RFTN1: variants seen among roughly 807,000 people sequenced by gnomAD.
The protein encoded by RFTN1 is raftlin.
RFTN1 carries 26 observed loss-of-function variants against 46.5 expected under a neutral mutation model. The observed-to-expected ratio is 0.56, with a 90% CI of 0.41 to 0.78. The LOEUF (loss-of-function observed/expected upper bound fraction) is 0.78. Among genes scored for constraint, RFTN1 ranks in the 30% least tolerant of loss-of-function variants. The pLI is 0.00. For missense variants in RFTN1, 693 were observed against 718.7 expected (o/e 0.96, Z 0.41); for synonymous variants, 261 against 284.2 (o/e 0.92, Z 0.82).
Position 16,411,016 on chromosome 3 carries a change from T to C in RFTN1, c.333-1533A>G, listed in dbSNP as rs556371321. Among the ~76,000 whole-genome samples, 53 of 152,228 alleles carry C rather than the reference T, an allele frequency of 3.5e-4. 1 individual carries two copies. In the South Asian group the frequency reaches 8.3e-3, roughly 24 times the overall value. Reference sequence around the variant, plus strand: ...TGTCTCTTCTAGGTGGCTGGTGGTATTGGGGAGTGGGAATTAGAGACCAAG... The same window carrying C: ...TGTCTCTTCTAGGTGGCTGGTGGTACTGGGGAGTGGGAATTAGAGACCAAG... On this transcript the variant is annotated intron_variant, in intron 3 of 9. Coordinates refer to ENST00000334133, the MANE Select transcript of RFTN1 (RefSeq NM_015150.2).
chr3:16,497,172 C>T (rs1185839475), intron 1 of RFTN1, among the ~76,000 whole-genome samples: 1 of 152,148 alleles, frequency 6.6e-6, no homozygotes, highest in Non-Finnish European at 1.5e-5. Context: ...GGCCACTGAG[C>T]AGTCTCTGTA....
At position 16,356,462 on chromosome 3, in the gene RFTN1, T is replaced by TG. The variant is rs2125329617; in HGVS notation, c.1146+1469_1146+1470insC. On this transcript the variant is annotated intron_variant, in intron 7 of 9. Coordinates refer to ENST00000334133, the MANE Select transcript of RFTN1 (RefSeq NM_015150.2). The surrounding 1 kb of genome is among the most constrained non-coding windows in gnomAD (Gnocchi z 4.9). ...CCATTGCTATCACACTTGCAAGCAG[T>TG]TATTTCTCATCCCTGTTCAGACGCA... Among the ~76,000 whole-genome samples, 1 of 151,382 alleles carries TG rather than the reference T, an allele frequency of 6.6e-6. No individual in the cohort carries two copies. Among genetic ancestry groups the TG allele is most frequent in the East Asian group, 2.0e-4 (1 of 5,110 alleles).
rs1463114561 is a variant in RFTN1, at chr3:16,503,142, C to T, written c.-8-9265G>A. Among the ~76,000 whole-genome samples, 3 of 152,172 alleles carry T rather than the reference C, an allele frequency of 2.0e-5. No individual in the cohort carries two copies. The South Asian group carries it at 6.2e-4, about 32-fold the overall frequency. ...CATCTCAGTCTGTCTCAGGAGGGGT[C>T]TGAACCTGAGTCCATCTCTGCTCTG... is the stretch of plus-strand genomic sequence containing the variant. On this transcript the variant is annotated intron_variant, in intron 1 of 9. Coordinates refer to ENST00000334133, the MANE Select transcript of RFTN1 (RefSeq NM_015150.2).
chr3:16,363,451 G>T (rs1413766756), intron 6 of RFTN1, among the ~76,000 whole-genome samples: 2 of 152,138 alleles, frequency 1.3e-5, no homozygotes, highest in African/African-American at 4.8e-5. Flanking sequence ...TGGTCTTTTG[G>T]CAAAAGGCCA....
intron 9 of RFTN1, among the ~76,000 whole-genome samples, chr3:16,319,865 G>C (rs1465062191): frequency 6.6e-6 from 1 of 152,228 alleles, no homozygotes; most frequent in African/African-American, 2.4e-5. Context: ...ACCACTTAAA[G>C]GCAGGCAAGT....
At position 16,341,256 on chromosome 3, in the gene RFTN1, C is replaced by T. The variant is rs1432726794; in HGVS notation, c.1147-14380G>A. 1.3e-5 allele frequency among the ~76,000 whole-genome samples: 2 copies of T among 152,210 alleles called. No homozygotes were observed. The highest frequency in any genetic ancestry group is 1.9e-4 in the East Asian group (1 of 5,204). Reference sequence around the variant, plus strand: ...CAGAAGACAGTTTGGCAGTTTCTTACAAAACTAGACATACTTTACAATATG... The same window carrying T: ...CAGAAGACAGTTTGGCAGTTTCTTATAAAACTAGACATACTTTACAATATG... On this transcript the variant is annotated intron_variant, in intron 7 of 9. Coordinates refer to ENST00000334133, the MANE Select transcript of RFTN1 (RefSeq NM_015150.2). The surrounding 1 kb of genome is among the most constrained non-coding windows in gnomAD (Gnocchi z 4.7).
intron 2 of RFTN1, among the ~76,000 whole-genome samples, chr3:16,441,118 TA>T (rs1385452619): frequency 2.0e-5 from 3 of 152,186 alleles, no homozygotes; most frequent in African/African-American, 4.8e-5. Flanking sequence ...CTTTTGGAAA[TA>T]TTTTTTTTTA....
rs1190688696 is a variant in RFTN1, at chr3:16,512,684, C to T, written c.-9+758G>A. ...GCGCGTGCCTGACAACGGGGCTTCC[C>T]GAAATACACAACCACCTCCTCCTCG... On this transcript the variant is annotated intron_variant, in intron 1 of 9. Transcript: ENST00000334133. The surrounding 1 kb of genome is among the most constrained non-coding windows in gnomAD (Gnocchi z 4.3). 6.6e-6 allele frequency: 1 copy of T among 152,488 alleles called. No individual in the cohort carries two copies. Among genetic ancestry groups the T allele is most frequent in the Non-Finnish European group, 1.5e-5 (1 of 68,264 alleles). The allele number at this position is 152,488 out of a possible 1,614,324, so 9.4% of individuals were successfully genotyped here.
intron 4 of RFTN1, among the ~76,000 whole-genome samples, chr3:16,404,107 A>ATT: frequency 9.2e-4 from 1 of 1,086 alleles, no homozygotes; most frequent in Admixed American, 0.014. Context: ...TATTATATAT[A>ATT]ATATATAATA....
At chr3:16,439,545 T>G (rs1395404638) in intron 2 of RFTN1, among the ~76,000 whole-genome samples, 2 of 152,230 alleles carry the variant, frequency 1.3e-5, no homozygotes, top group Non-Finnish European at 2.9e-5. Context: ...TTATTTCAAT[T>G]TGGAGGCTGA....
In RFTN1 at chr3:16,407,509, A is replaced by T. The variant is rs2074887290; in HGVS notation, c.441+1866T>A. ...GCCCAGCCTCAAATCACATGTTTTT[A>T]AAAAGCATATTTGAGAGTGGGCAGA... On this transcript the variant is annotated intron_variant, in intron 4 of 9. Transcript: ENST00000334133. The surrounding 1 kb of genome is among the most constrained non-coding windows in gnomAD (Gnocchi z 4.0). Among the ~76,000 whole-genome samples, 1 of 152,274 alleles carries T rather than the reference A, an allele frequency of 6.6e-6. No individual in the cohort carries two copies. Among genetic ancestry groups the T allele is most frequent in the Non-Finnish European group, 1.5e-5 (1 of 68,024 alleles).
chr3:16,358,892 C>T (rs55767924), intron 6 of RFTN1, among the ~76,000 whole-genome samples: 8,475 of 151,682 alleles, frequency 0.056, 308 homozygotes, highest in Middle Eastern at 0.12. Context: ...ATTAGCTGGG[C>T]GTGGCAGGGT....
At chr3:16,491,009 C>T (rs932398662) in intron 2 of RFTN1, among the ~76,000 whole-genome samples, 11 of 152,160 alleles carry the variant, frequency 7.2e-5, no homozygotes, top group African/African-American at 2.7e-4. Flanking sequence ...AATCCCTGCA[C>T]TCATGGGAAG....
rs2075258602 is a variant in RFTN1, at chr3:16,424,750, A to ATT, written c.332+9099_332+9100dup. On this transcript the variant is annotated intron_variant, in intron 3 of 9. Coordinates refer to ENST00000334133, the MANE Select transcript of RFTN1 (RefSeq NM_015150.2). The surrounding 1 kb of genome is among the most constrained non-coding windows in gnomAD (Gnocchi z 4.7). ...CATTTAAAATATAAAATTTGGACAGATTTTAGAGACAATCATTATATAAAA... is the reference window on the plus strand; with the variant it reads ...CATTTAAAATATAAAATTTGGACAGATTTTTTAGAGACAATCATTATATAAAA... 6.6e-6 allele frequency among the ~76,000 whole-genome samples: 1 copy of ATT among 152,208 alleles called. No individual in the cohort carries two copies. The highest frequency in any genetic ancestry group is 2.4e-5 in the African/African-American group (1 of 41,462).
Position 16,473,391 on chromosome 3 carries a change from CTTTCTTT to C in RFTN1, c.145+20327_145+20333del, listed in dbSNP as rs1442149176. Among the ~76,000 whole-genome samples, 3 of 150,902 alleles carry C rather than the reference CTTTCTTT, an allele frequency of 2.0e-5. No homozygotes were observed. Among genetic ancestry groups the C allele is most frequent in the Non-Finnish European group, 4.4e-5 (3 of 67,920 alleles). The stretch of plus-strand genomic sequence containing the variant: ...AAGGTCCACAAAAATACTCTGTTTT[CTTTCTTT>C]TTTCTTTTTTTTTTTTTCCTGAGAT... On this transcript the variant is annotated intron_variant, in intron 2 of 9. Coordinates refer to ENST00000334133, the MANE Select transcript of RFTN1 (RefSeq NM_015150.2). This position sits in a 1 kb window ranked among gnomAD's most constrained non-coding sequence, Gnocchi z 5.3.
intron 4 of RFTN1, among the ~76,000 whole-genome samples, chr3:16,389,627 G>A (rs1340183296): frequency 6.6e-6 from 1 of 152,048 alleles, no homozygotes; most frequent in Non-Finnish European, 1.5e-5. Flanking sequence ...ATTTTTATTT[G>A]TTACGTATTC....
In RFTN1 at chr3:16,481,008, C is replaced by CAT. The variant is rs2076357696; in HGVS notation, c.145+12716_145+12717insAT. ...GCACACACACACACAGACACACACA[C>CAT]ACACACACACACACACACACACCTG... On this transcript the variant is annotated intron_variant, in intron 2 of 9. Coordinates refer to ENST00000334133, the MANE Select transcript of RFTN1 (RefSeq NM_015150.2). This position sits in a 1 kb window ranked among gnomAD's most constrained non-coding sequence, Gnocchi z 5.1. 6.6e-6 allele frequency among the ~76,000 whole-genome samples: 1 copy of CAT among 151,308 alleles called. No individual in the cohort carries two copies. Among genetic ancestry groups the CAT allele is most frequent in the Non-Finnish European group, 1.5e-5 (1 of 67,784 alleles).
At chr3:16,372,538 G>GA (rs1303157949) in intron 5 of RFTN1, among the ~76,000 whole-genome samples, 1 of 151,792 alleles carries the variant, frequency 6.6e-6, no homozygotes, top group Non-Finnish European at 1.5e-5. Flanking sequence ...AGAAGAAGAA[G>GA]AAAAAAATCA....
chr3:16,406,356 TTCCAAG>T (rs374011837), intron 4 of RFTN1, among the ~76,000 whole-genome samples: 5 of 152,290 alleles, frequency 3.3e-5, no homozygotes, highest in African/African-American at 1.2e-4. Context: ...TGCTAGGTCT[TTCCAAG>T]TCCAGCCCTG....
Sources: allele counts gnomAD v4.1 joint callset (sites outside exome capture counted in the v4.1 genomes callset), GRCh38; gene constraint gnomAD v4.1.1; non-coding constraint Gnocchi (gnomAD v3.1); transcripts MANE v1.5; gene names NCBI Gene and HGNC (gene_info 2026-07-23, HGNC 2026-07-21).